The following SYNE1 variants were observed in gnomAD, a reference collection of about 807,000 sequenced individuals.
SYNE1 encodes the protein spectrin repeat containing nuclear envelope protein 1.
A neutral mutation model predicts 1,111.0 loss-of-function variants in SYNE1; 616 were observed. The ratio of observed to expected loss-of-function variants is 0.55; its 90% confidence interval spans 0.52 to 0.59. SYNE1 has a LOEUF of 0.59. SYNE1 is among the 20% of genes least tolerant of loss of function. The pLI, the probability that SYNE1 is intolerant of heterozygous loss-of-function variation, is 0.00. For missense variants in SYNE1, 10,006 were observed against 10,417.0 expected, an observed-to-expected ratio of 0.96 and a Z score of 1.72; for synonymous variants, 3,855 against 3,825.8, an observed-to-expected ratio of 1.01 and a Z score of -0.28.
intron 6 of SYNE1, among the ~76,000 whole-genome samples, chr6:152,518,450 T>G (rs2099123315): frequency 6.6e-6 from 1 of 151,930 alleles, no homozygotes; most frequent in South Asian, 2.1e-4. Flanking sequence ...CCTTGCTCTC[T>G]TGCTCCTGCT....
chr6:152,238,276 T>G (rs2153544360), intron 108 of SYNE1, among the ~76,000 whole-genome samples: 1 of 152,206 alleles, frequency 6.6e-6, no homozygotes, highest in East Asian at 1.9e-4. Flanking sequence ...CAGATGAAGG[T>G]GTGATCTCTG....
At chr6:152,244,347 T>G (rs1282011121) in intron 106 of SYNE1, among the ~76,000 whole-genome samples, 190 bp downstream of exon 106, 1 of 152,180 alleles carries the variant, frequency 6.6e-6, no homozygotes, top group Non-Finnish European at 1.5e-5. Context: ...CTTAGCAGCA[T>G]GAAAACAACT....
intron 105 of SYNE1, among the ~76,000 whole-genome samples, chr6:152,246,602 A>G (rs78502993): frequency 0.02 from 3,038 of 152,302 alleles, 99 homozygotes; most frequent in African/African-American, 0.07. Flanking sequence ...TCTGACAAAA[A>G]GGAGTTCTCC....
At chr6:152,325,007 G>T (rs1590097235) in intron 81 of SYNE1, 77 bp downstream of exon 81, 2 of 1,543,210 alleles carry the variant, frequency 1.3e-6, no homozygotes, top group East Asian at 4.5e-5. Flanking sequence ...ACTTCAAAAA[G>T]GGGCAAAATA....
intron 3 of SYNE1, among the ~76,000 whole-genome samples, chr6:152,603,702 A>T (rs192108136): frequency 6.5e-4 from 99 of 151,494 alleles, no homozygotes; most frequent in African/African-American, 2.2e-3. Flanking sequence ...GTTCTAGAAT[A>T]TATAGATATG....
At chr6:152,385,041 A>G (rs2097503152) in intron 55 of SYNE1, among the ~76,000 whole-genome samples, 1 of 152,130 alleles carries the variant, frequency 6.6e-6, no homozygotes, top group South Asian at 2.1e-4. Context: ...CTCCTCTAAA[A>G]CTAAACCACT....
At chr6:152,259,272 C>T (rs1461507374) in intron 101 of SYNE1, among the ~76,000 whole-genome samples, 1 of 152,050 alleles carries the variant, frequency 6.6e-6, no homozygotes, top group Non-Finnish European at 1.5e-5. Context: ...TCATAGTTGC[C>T]TAATTTTTTT....
intron 139 of SYNE1, among the ~76,000 whole-genome samples, chr6:152,140,983 C>T (rs768192665): frequency 1.3e-5 from 2 of 152,100 alleles, no homozygotes; most frequent in Non-Finnish European, 1.5e-5. Context: ...TGCAGTGAGC[C>T]GAGATAGCGC....
chr6:152,502,931 A>G (rs137933018), intron 9 of SYNE1, among the ~76,000 whole-genome samples, 189 bp from the exon 10 acceptor site: 6 of 152,266 alleles, frequency 3.9e-5, no homozygotes, highest in Admixed American at 3.9e-4. Flanking sequence ...TGAAAATTAT[A>G]TTACTCAGAA....
At chr6:152,419,862 A>G (rs2098226198) in intron 39 of SYNE1, 140 bp from the exon 40 acceptor site, 1 of 836,472 alleles carries the variant, frequency 1.2e-6, no homozygotes, top group Admixed American at 2.3e-5. Flanking sequence ...GATATTTTTT[A>G]CTTCCCAAAC....
chr6:152,356,459 A>T (rs952940279), intron 66 of SYNE1, among the ~76,000 whole-genome samples: 13 of 148,056 alleles, frequency 8.8e-5, no homozygotes, highest in African/African-American at 3.2e-4. Flanking sequence ...TATATATATA[A>T]TATTGTTAAA....
intron 54 of SYNE1, among the ~76,000 whole-genome samples, chr6:152,386,543 A>G (rs941052899): frequency 1.3e-5 from 2 of 152,212 alleles, no homozygotes; most frequent in Non-Finnish European, 2.9e-5. Context: ...ATATTTACAA[A>G]TATGCCAAAG....
At chr6:152,513,124 C>A (rs1055997878) in intron 6 of SYNE1, among the ~76,000 whole-genome samples, 13 of 152,270 alleles carry the variant, frequency 8.5e-5, no homozygotes, top group Admixed American at 7.8e-4. Flanking sequence ...GATTCTGATG[C>A]ACATTAGTGC....
intron 39 of SYNE1, among the ~76,000 whole-genome samples, chr6:152,421,339 G>A (rs574139086): frequency 4.6e-5 from 7 of 152,222 alleles, no homozygotes; most frequent in East Asian, 3.9e-4. Flanking sequence ...TATGAAAAAC[G>A]TAGCAGCAAA....
At chr6:152,533,274 C>T (rs1324648808) in intron 4 of SYNE1, among the ~76,000 whole-genome samples, 1 of 151,274 alleles carries the variant, frequency 6.6e-6, no homozygotes, top group Non-Finnish European at 1.5e-5. Context: ...TGACAGATAG[C>T]ATAATCCTTT....
intron 52 of SYNE1, 56 bp from the exon 53 acceptor site, chr6:152,390,508 T>TAAAAAAAAAA: frequency 1.3e-6 from 2 of 1,570,012 alleles, no homozygotes; most frequent in Admixed American, 1.7e-5. Context: ...TCTTCTATTT[T>TAAAAAAAAAA]AAAAAAATGG....
Position 152,488,480 on chromosome 6 carries a change from CTT to C in SYNE1, c.961_962del (p.Lys321GlyfsTer10). The C allele has an allele frequency of 6.2e-7, 1 of 1,600,374 alleles. No homozygotes were observed. On this transcript the variant is annotated frameshift_variant, in exon 12 of 146. Coordinates refer to ENST00000367255, the MANE Select transcript of SYNE1 (RefSeq NM_182961.4). LOFTEE classifies it high-confidence loss of function. Reference protein sequence around the residue: ...NFKREDRVIFKEMKVWIEQFE... With the variant: ...NFKREDRVIFXEMKVWIEQFE... ...ATTGTTCTATCCAAACTTTCATTTC[CTT>C]AAAAATTACTCTGTCTTCTCTCTGG...
At chr6:152,303,098 C>CTTTTTTTTTTTTTTTTTTT (rs71017533) in intron 91 of SYNE1, among the ~76,000 whole-genome samples, 3 of 107,084 alleles carry the variant, frequency 2.8e-5, no homozygotes, top group Non-Finnish European at 5.4e-5. Context: ...AACTATTATT[C>CTTTTTTTTTTTTTTTTTTT]TTTTTTTTTT....
At chr6:152,412,381 G>A (rs988902963) in intron 42 of SYNE1, among the ~76,000 whole-genome samples, 4 of 148,066 alleles carry the variant, frequency 2.7e-5, no homozygotes, top group East Asian at 2.0e-4. Context: ...CAGAGATAGC[G>A]CCACCGCACT....
Sources: gnomAD v4.1 joint callset for allele counts (sites outside exome capture counted in the v4.1 genomes callset) on GRCh38, gnomAD v4.1.1 for gene constraint, MANE v1.5 for transcripts, NCBI Gene and HGNC (gene_info 2026-07-23, HGNC 2026-07-21) for gene names.